RANBP3: variants seen among roughly 807,000 people sequenced by gnomAD.
RANBP3 encodes the protein RAN binding protein 3, also known as ran-binding protein 3.
RANBP3 carries 14 observed loss-of-function variants against 77.3 expected under a neutral mutation model. That is an observed-to-expected ratio of 0.18 (90% CI 0.12 to 0.28). The LOEUF is 0.28. Ranked by LOEUF, RANBP3 falls within the 10% of genes least tolerant of loss-of-function variation. The pLI is 1.00. For synonymous variants in RANBP3, 315 were observed against 312.4 expected (o/e 1.01, Z -0.09); for missense variants, 586 against 752.3 (o/e 0.78, Z 2.59).
chr19:5,922,393 T>C (rs1372911692), intron 13 of RANBP3, among the ~76,000 whole-genome samples: 1 of 152,140 alleles, frequency 6.6e-6, no homozygotes, highest in East Asian at 1.9e-4. Context: ...GCCACCCGGT[T>C]TACAGACACA....
intron 2 of RANBP3, among the ~76,000 whole-genome samples, chr19:5,954,076 G>A (rs77638824): frequency 0.02 from 2,991 of 152,246 alleles, 100 homozygotes; most frequent in African/African-American, 0.069. Context: ...AAAATTCCTC[G>A]GCTGGCAGCT....
chr19:5,964,852 T>TGGGGG lies in RANBP3; in HGVS notation c.23-6884_23-6880dup, dbSNP rs386388443. ...GAGGAGCTAAGTGGAGGTGGTAGGG[T>TGGGGG]GGGGGGGGGGGTGGCACGGTGGGGG... On this transcript the variant is annotated intron_variant, in intron 1 of 16. Coordinates refer to ENST00000340578, the MANE Select transcript of RANBP3 (RefSeq NM_007322.3). Among the ~76,000 whole-genome samples, 76 of 16,984 alleles carry TGGGGG rather than the reference T, an allele frequency of 4.5e-3. 1 individual carries two copies. The highest frequency in any genetic ancestry group is 7.5e-3 in the Non-Finnish European group (58 of 7,770). The allele number at this position is 16,984 out of a possible 152,430, so 11.1% of individuals were successfully genotyped here.
At chr19:5,964,318 C>A (rs1436493176) in intron 1 of RANBP3, among the ~76,000 whole-genome samples, 1 of 152,204 alleles carries the variant, frequency 6.6e-6, no homozygotes, top group African/African-American at 2.4e-5. Context: ...GCCTGCCCCC[C>A]CACCTCCACC....
At chr19:5,969,003 T>G (rs563236092) in intron 1 of RANBP3, among the ~76,000 whole-genome samples, 1 of 152,130 alleles carries the variant, frequency 6.6e-6, no homozygotes, top group Admixed American at 6.5e-5. Context: ...AGCTCACACA[T>G]GAAGGGTGAG....
chr19:5,945,496 A>C (rs1010911430), intron 3 of RANBP3, among the ~76,000 whole-genome samples: 4 of 152,166 alleles, frequency 2.6e-5, no homozygotes, highest in African/African-American at 7.2e-5. Flanking sequence ...TTCCATGTGC[A>C]CTTGAGAAGG....
intron 5 of RANBP3, among the ~76,000 whole-genome samples, chr19:5,939,658 G>C (rs189125408): frequency 7.2e-5 from 11 of 152,376 alleles, no homozygotes; most frequent in Non-Finnish European, 1.3e-4. Flanking sequence ...GACGCTCAGA[G>C]ATCACCTCTC....
intron 1 of RANBP3, among the ~76,000 whole-genome samples, chr19:5,976,055 C>A (rs2058587413): frequency 1.3e-5 from 2 of 151,814 alleles, no homozygotes; most frequent in South Asian, 4.2e-4. Context: ...AGTGGTGGTC[C>A]CCCTTTGGGA....
Position 5,968,976 on chromosome 19 carries a change from G to A in RANBP3, c.22+9085C>T, listed in dbSNP as rs201122544. On this transcript the variant is annotated intron_variant, in intron 1 of 16. Coordinates refer to ENST00000340578, the MANE Select transcript of RANBP3 (RefSeq NM_007322.3). The stretch of plus-strand genomic sequence containing the variant: ...GGATGGTGGGAGAGAGTGAGTGAAT[G>A]GGTAAGGCCTCGCTGAAGCTCACAC... Among the ~76,000 whole-genome samples, 618 of 152,334 alleles carry A rather than the reference G, an allele frequency of 4.1e-3. 11 individuals are homozygous for A. In the East Asian group the frequency reaches 0.065, roughly 16 times the overall value.
intron 5 of RANBP3, among the ~76,000 whole-genome samples, chr19:5,938,604 A>G (rs2058095375): frequency 6.6e-6 from 1 of 152,208 alleles, no homozygotes; most frequent in Non-Finnish European, 1.5e-5. Context: ...AGGCAGGAGA[A>G]TTGCTTGAAC....
At chr19:5,977,317 T>C (rs1419164983) in intron 1 of RANBP3, among the ~76,000 whole-genome samples, 1 of 151,754 alleles carries the variant, frequency 6.6e-6, no homozygotes, top group Non-Finnish European at 1.5e-5. Context: ...GATCTGGAAG[T>C]GTAACCTTGT....
intron 2 of RANBP3, among the ~76,000 whole-genome samples, chr19:5,954,467 A>G (rs1230463488): frequency 6.6e-6 from 1 of 152,168 alleles, no homozygotes; most frequent in Non-Finnish European, 1.5e-5. Flanking sequence ...ACACCCGTGG[A>G]AGAATTTAGG....
chr19:5,951,434 G>A lies in RANBP3; in HGVS notation c.241C>T (p.Pro81Ser), dbSNP rs376078441. 2 of 1,589,338 alleles carry A rather than the reference G, an allele frequency of 1.3e-6. No individual in the cohort carries two copies. The part of the protein sequence containing the change: ...ASASTPPPPA[P>S]EAQLPPFPRE... ...GGAAAAGGAGGAAGCTGGGCTTCAGGAGCGGGAGGCGGAGGAGTGCTGGCT... is the reference window on the plus strand; with the variant it reads ...GGAAAAGGAGGAAGCTGGGCTTCAGAAGCGGGAGGCGGAGGAGTGCTGGCT... Residue 81 changes from proline (P) to serine (S), a missense_variant, in exon 3 of 17, where the codon CCT (proline) becomes TCT (serine). This residue lies in a region of RANBP3 where 172 missense variants were observed against 183.4 expected (regional missense o/e 0.94). Transcript: ENST00000340578.
At chr19:5,945,817 A>G (rs1182469974) in intron 3 of RANBP3, among the ~76,000 whole-genome samples, 1 of 151,712 alleles carries the variant, frequency 6.6e-6, no homozygotes, top group African/African-American at 2.4e-5. Flanking sequence ...GGCTCCCAAC[A>G]GTCTCTTGGG....
In RANBP3 at chr19:5,921,432, G is replaced by A. The variant is rs1025870891; in HGVS notation, c.1210-111C>T. On this transcript the variant is annotated intron_variant, in intron 13 of 16. Transcript: ENST00000340578. This position sits in a 1 kb window ranked among gnomAD's most constrained non-coding sequence, Gnocchi z 5.3. Reference sequence around the variant, plus strand: ...GGGACTGCCAGGGCCAGCCAACGACGGCCTGGGGGCCACCTTGGTCAGTTT... The same window carrying A: ...GGGACTGCCAGGGCCAGCCAACGACAGCCTGGGGGCCACCTTGGTCAGTTT... The A allele has an allele frequency of 5.5e-5, 78 of 1,413,184 alleles. No individual in the cohort carries two copies. The highest frequency in any genetic ancestry group is 1.8e-4 in the Middle Eastern group (1 of 5,420). The allele number at this position is 1,413,184 out of a possible 1,614,324, so 87.5% of individuals were successfully genotyped here.
intron 9 of RANBP3, among the ~76,000 whole-genome samples, chr19:5,927,655 T>C (rs562433748): frequency 1.8e-4 from 28 of 152,212 alleles, no homozygotes; most frequent in Non-Finnish European, 3.5e-4. Context: ...CTGTCTTTCT[T>C]CTCTGCTATG....
In RANBP3 at chr19:5,917,879, C is replaced by A; in HGVS notation, c.1575G>T (p.Ala525=). 1 of 1,612,768 alleles carries A rather than the reference C, an allele frequency of 6.2e-7. No homozygotes were observed. The highest frequency in any genetic ancestry group is 8.5e-7 in the Non-Finnish European group (1 of 1,179,922). ...TGGATGGGGCTGCCCCAGGCTCAGG[C>A]GCGGGCATCTTGGCCTCCTGCTCCT... ...VEQEQEAKMP[A]PEPGAAPSNE... The change falls in exon 16 of 17, where the codon GCG becomes GCT. Residue 525 remains alanine, a synonymous_variant. Transcript: ENST00000340578.
At chr19:5,974,861 G>A (rs575104902) in intron 1 of RANBP3, among the ~76,000 whole-genome samples, 2 of 152,268 alleles carry the variant, frequency 1.3e-5, no homozygotes, top group African/African-American at 2.4e-5. Context: ...TCCCCAGGGG[G>A]TACTGATGCC....
In RANBP3 at chr19:5,958,408, C is replaced by T. The variant is rs916995115; in HGVS notation, c.23-435G>A. On this transcript the variant is annotated intron_variant, in intron 1 of 16. Transcript: ENST00000340578. The surrounding 1 kb of genome is among the most constrained non-coding windows in gnomAD (Gnocchi z 4.4). ...GGGCAAAAAAAAGGGCCACCGCTCG[C>T]GCTGTTTGCAGACAGTTCTGGTAGA... 7.9e-5 allele frequency among the ~76,000 whole-genome samples: 12 copies of T among 152,256 alleles called. No homozygotes were observed. Among genetic ancestry groups the T allele is most frequent in the Non-Finnish European group, 7.3e-5 (5 of 68,044 alleles).
chr19:5,936,843 G>C (rs1026596545), intron 5 of RANBP3, among the ~76,000 whole-genome samples: 3 of 151,898 alleles, frequency 2.0e-5, no homozygotes, highest in African/African-American at 7.3e-5. Flanking sequence ...CAAGCACGTG[G>C]GGAGAAGGGC....
Sources: allele counts gnomAD v4.1 joint callset (sites outside exome capture counted in the v4.1 genomes callset), GRCh38; gene constraint gnomAD v4.1.1; regional missense constraint gnomAD v4.1.1; non-coding constraint Gnocchi (gnomAD v3.1); transcripts MANE v1.5; gene names NCBI Gene and HGNC (gene_info 2026-07-23, HGNC 2026-07-21).